CHCHD3: variants seen among roughly 807,000 people sequenced by gnomAD.
CHCHD3 encodes MICOS complex subunit MIC19.
CHCHD3 carries 20 observed loss-of-function variants against 38.2 expected under a neutral mutation model. That is an observed-to-expected ratio of 0.52 (90% confidence interval 0.37 to 0.76). CHCHD3 has a LOEUF of 0.76. Among genes scored for constraint, CHCHD3 ranks in the 30% least tolerant of loss-of-function variants. The probability of loss-of-function intolerance (pLI) is 0.00; values close to 1 mark genes in which losing one functional copy is unlikely to be tolerated. For synonymous variants in CHCHD3, 82 were observed against 100.0 expected, an observed-to-expected ratio of 0.82 and a Z score of 1.07; for missense variants, 245 against 279.2, an observed-to-expected ratio of 0.88 and a Z score of 0.87.
chr7:132,956,735 G>A (rs1811182593), intron 4 of CHCHD3, among the ~76,000 whole-genome samples: 1 of 152,050 alleles, frequency 6.6e-6, no homozygotes, highest in Admixed American at 6.5e-5. Flanking sequence ...TGATAGTCTA[G>A]GCCTTTTCCT....
intron 5 of CHCHD3, among the ~76,000 whole-genome samples, chr7:132,869,815 C>A (rs1808719765): frequency 6.6e-6 from 1 of 152,022 alleles, no homozygotes; most frequent in Non-Finnish European, 1.5e-5. Context: ...AACTTCTGGG[C>A]TCAGCGAGCC....
At chr7:132,978,667 A>C (rs1199261351) in intron 3 of CHCHD3, among the ~76,000 whole-genome samples, 1 of 152,202 alleles carries the variant, frequency 6.6e-6, no homozygotes. Context: ...CCAAGGGCTT[A>C]GCCACCATGT....
intron 2 of CHCHD3, chr7:133,034,539 A>G (rs1813598264): frequency 1.7e-5 from 4 of 230,072 alleles, no homozygotes; most frequent in Non-Finnish European, 3.0e-5. Flanking sequence ...TTCAATGTTC[A>G]GTTTCCTTTA....
intron 6 of CHCHD3, among the ~76,000 whole-genome samples, chr7:132,828,270 C>T (rs908267942): frequency 8.5e-5 from 13 of 152,238 alleles, no homozygotes; most frequent in Admixed American, 7.8e-4. Context: ...CACAATCTTT[C>T]CAGACAATTA....
intron 4 of CHCHD3, among the ~76,000 whole-genome samples, chr7:132,897,916 C>T (rs993024278): frequency 8.5e-5 from 13 of 152,136 alleles, no homozygotes; most frequent in Non-Finnish European, 1.8e-4. Flanking sequence ...GCAGCGTGTC[C>T]GGAGTTTGTT....
intron 4 of CHCHD3, among the ~76,000 whole-genome samples, chr7:132,899,597 T>C (rs532994361): frequency 1.3e-5 from 2 of 152,372 alleles, no homozygotes; most frequent in South Asian, 4.1e-4. Flanking sequence ...CAGTTCCCTT[T>C]AGAATTGCTT....
At chr7:133,024,843 T>C (rs914914748) in intron 2 of CHCHD3, among the ~76,000 whole-genome samples, 5 of 152,166 alleles carry the variant, frequency 3.3e-5, no homozygotes, top group African/African-American at 9.7e-5. Flanking sequence ...GACCTAGATT[T>C]CCACTCCTGC....
At chr7:132,981,291 A>G (rs1811912996) in intron 3 of CHCHD3, among the ~76,000 whole-genome samples, 1 of 152,154 alleles carries the variant, frequency 6.6e-6, no homozygotes, top group Admixed American at 6.5e-5. Flanking sequence ...GATTACAAGC[A>G]CAAGTCACCA....
At chr7:132,882,774 A>T (rs1310767672) in intron 5 of CHCHD3, among the ~76,000 whole-genome samples, 1 of 152,142 alleles carries the variant, frequency 6.6e-6, no homozygotes, top group Non-Finnish European at 1.5e-5. Flanking sequence ...TGACAAAGAA[A>T]ACTGTCATTG....
intron 7 of CHCHD3, among the ~76,000 whole-genome samples, chr7:132,787,735 T>G (rs957099515): frequency 6.6e-6 from 1 of 152,136 alleles, no homozygotes; most frequent in African/African-American, 2.4e-5. Context: ...AAAGGGTGGA[T>G]AGATTATCCT....
At chr7:132,901,200 G>T (rs1017872679) in intron 4 of CHCHD3, among the ~76,000 whole-genome samples, 1 of 152,128 alleles carries the variant, frequency 6.6e-6, no homozygotes, top group Non-Finnish European at 1.5e-5. Flanking sequence ...CAAAGCCTCC[G>T]GCTTATCTAA....
chr7:132,817,943 G>C (rs1807245169), intron 6 of CHCHD3, among the ~76,000 whole-genome samples: 1 of 151,778 alleles, frequency 6.6e-6, no homozygotes, highest in Admixed American at 6.6e-5. Flanking sequence ...AAAAAGGAAA[G>C]CTTTGGAGAA....
intron 3 of CHCHD3, among the ~76,000 whole-genome samples, chr7:132,985,671 A>C (rs866560245): frequency 2.9e-5 from 1 of 34,032 alleles, no homozygotes. Flanking sequence ...CCCATCCGGG[A>C]GGGAGGTGGG....
intron 5 of CHCHD3, among the ~76,000 whole-genome samples, chr7:132,873,224 C>CAGA (rs1446490635): frequency 1.3e-5 from 2 of 152,102 alleles, no homozygotes; most frequent in East Asian, 3.9e-4. Context: ...AGGAGGAAGA[C>CAGA]AGAGGCCTGG....
intron 3 of CHCHD3, among the ~76,000 whole-genome samples, chr7:132,977,234 G>T (rs988783039): frequency 6.6e-5 from 10 of 152,162 alleles, no homozygotes; most frequent in African/African-American, 2.4e-4. Context: ...GCATCAGCTG[G>T]GAGTCTGTTA....
chr7:132,845,610 C>T lies in CHCHD3; in HGVS notation c.454-7141G>A, dbSNP rs150267377. 5.6e-3 allele frequency among the ~76,000 whole-genome samples: 851 copies of T among 152,286 alleles called. 11 individuals carry two copies. Among genetic ancestry groups the T allele is most frequent in the African/African-American group, 0.019 (801 of 41,558 alleles). ...ATGAAATCCAATTAACTACATTGAA[C>T]AGCCAAAGTACTTTAATGCCAAGAC... is the stretch of plus-strand genomic sequence containing the variant. On this transcript the variant is annotated intron_variant, in intron 5 of 7. Transcript: ENST00000262570.
chr7:133,071,242 G>T lies in CHCHD3; in HGVS notation c.82-1013C>A, dbSNP rs1451588304. Among the ~76,000 whole-genome samples, 4 of 152,128 alleles carry T rather than the reference G, an allele frequency of 2.6e-5. No homozygotes were observed. In the South Asian group the frequency reaches 8.3e-4, roughly 32 times the overall value. On this transcript the variant is annotated intron_variant, in intron 1 of 7. Coordinates refer to ENST00000262570, the MANE Select transcript of CHCHD3 (RefSeq NM_017812.4). ...GAAAGCTCCCTGAAAGCAAGGATTT[G>T]GCTGTCCTATCGCTATACTCCCAGA...
intron 6 of CHCHD3, among the ~76,000 whole-genome samples, chr7:132,836,321 C>T (rs912080920): frequency 6.6e-6 from 1 of 152,092 alleles, no homozygotes; most frequent in East Asian, 1.9e-4. Flanking sequence ...AGTTTTGCCA[C>T]GTTGCCCAGG....
intron 6 of CHCHD3, among the ~76,000 whole-genome samples, chr7:132,828,046 T>C (rs74782337): frequency 6.6e-6 from 1 of 152,182 alleles, no homozygotes; most frequent in East Asian, 1.9e-4. Flanking sequence ...TTGTTGCTAG[T>C]TTTTGATACT....
Sources: allele counts gnomAD v4.1 joint callset (sites outside exome capture counted in the v4.1 genomes callset), GRCh38; gene constraint gnomAD v4.1.1; transcripts MANE v1.5; gene names NCBI Gene and HGNC (gene_info 2026-07-23, HGNC 2026-07-21).